The following PPFIA1 variants were observed in gnomAD, a reference collection of about 807,000 sequenced individuals.
PPFIA1 encodes the protein liprin-alpha-1.
PPFIA1 carries 25 observed loss-of-function variants against 149.9 expected under a neutral mutation model. That is an observed-to-expected ratio of 0.17 (90% CI 0.12 to 0.23). PPFIA1 has a LOEUF of 0.23. PPFIA1 is among the 10% of genes least tolerant of loss of function. PPFIA1 has a pLI of 1.00. For synonymous variants in PPFIA1, 549 were observed against 552.8 expected, an observed-to-expected ratio of 0.99 and a Z score of 0.10; for missense variants, 1,362 against 1,506.5, an observed-to-expected ratio of 0.90 and a Z score of 1.59.
chr11:70,298,670 G>A (rs2052260182), intron 2 of PPFIA1, among the ~76,000 whole-genome samples: 1 of 152,158 alleles, frequency 6.6e-6, no homozygotes, highest in African/African-American at 2.4e-5. Context: ...ATCAGCTGCT[G>A]CTCAGAGGGC....
At chr11:70,284,712 G>A (rs983873881) in intron 2 of PPFIA1, among the ~76,000 whole-genome samples, 6 of 152,184 alleles carry the variant, frequency 3.9e-5, no homozygotes, top group Admixed American at 3.3e-4. Context: ...GAGGAACCAG[G>A]TATGAGAGCT....
chr11:70,373,228 T>A (rs544038749), intron 23 of PPFIA1, among the ~76,000 whole-genome samples: 9 of 152,136 alleles, frequency 5.9e-5, no homozygotes, highest in Non-Finnish European at 1.3e-4. Flanking sequence ...TATTTATTTA[T>A]TTAATTTATT....
At chr11:70,283,913 A>G (rs1254946132) in intron 2 of PPFIA1, 13 of 479,714 alleles carry the variant, frequency 2.7e-5, no homozygotes, top group Non-Finnish European at 5.6e-5. Context: ...ATCTGGCCCC[A>G]AATGTTGGAA....
chr11:70,357,022 G>T (rs576267903), intron 19 of PPFIA1, among the ~76,000 whole-genome samples: 1 of 152,310 alleles, frequency 6.6e-6, no homozygotes, highest in East Asian at 1.9e-4. Context: ...GGGATGCGGG[G>T]TGAGTTGCGT....
At chr11:70,369,241 A>G (rs2057109174) in intron 21 of PPFIA1, among the ~76,000 whole-genome samples, 2 of 152,132 alleles carry the variant, frequency 1.3e-5, no homozygotes, top group African/African-American at 4.8e-5. Context: ...ATCTTTTGAG[A>G]TGATATGGTT....
At chr11:70,308,512 A>G (rs1040737739) in intron 2 of PPFIA1, among the ~76,000 whole-genome samples, 3 of 152,270 alleles carry the variant, frequency 2.0e-5, no homozygotes, top group African/African-American at 7.2e-5. Context: ...CAAAAGTCAC[A>G]TACTTGCTCT....
rs537647326 is a variant in PPFIA1, at chr11:70,378,985, A to G, written c.3550+790A>G. ...CAGCTCTGCCACTAGGAGGTGCATG[A>G]CCCTGAACAAGTCATTTAACTACCC... On this transcript the variant is annotated intron_variant, in intron 26 of 27. Coordinates refer to ENST00000253925, the MANE Select transcript of PPFIA1 (RefSeq NM_003626.5). Among the ~76,000 whole-genome samples the G allele has an allele frequency of 7.2e-5, 11 of 152,296 alleles. No homozygotes were observed. In the South Asian group the frequency reaches 2.3e-3, roughly 32 times the overall value.
chr11:70,366,437 A>T (rs1310520047), intron 21 of PPFIA1, among the ~76,000 whole-genome samples: 1 of 152,182 alleles, frequency 6.6e-6, no homozygotes, highest in South Asian at 2.1e-4. Flanking sequence ...CCACTTAAAG[A>T]TTTTCTTACT....
At chr11:70,349,154 A>C (rs80339344) in intron 16 of PPFIA1, among the ~76,000 whole-genome samples, 1 of 151,618 alleles carries the variant, frequency 6.6e-6, no homozygotes. Context: ...AAAAAAAAAA[A>C]AAAGGAAAAA....
At chr11:70,295,237 C>A (rs1296878508) in intron 2 of PPFIA1, among the ~76,000 whole-genome samples, 2 of 139,600 alleles carry the variant, frequency 1.4e-5, no homozygotes, top group Admixed American at 7.0e-5. Context: ...GAGGGGCTGA[C>A]CCCCCCACCT....
At chr11:70,326,514 G>A in intron 6 of PPFIA1, 83 bp from the exon 7 acceptor site, 1 of 1,345,712 alleles carries the variant, frequency 7.4e-7, no homozygotes, top group Non-Finnish European at 1.0e-6. Flanking sequence ...AGTCAGTTTT[G>A]ATTTTAGCTA....
At chr11:70,344,925 C>T (rs1383105757) in intron 15 of PPFIA1, among the ~76,000 whole-genome samples, 1,844 of 151,780 alleles carry the variant, frequency 0.012, 39 homozygotes, top group African/African-American at 0.038. Context: ...CAGAGCAGGA[C>T]AGTCCCGGCT....
intron 12 of PPFIA1, among the ~76,000 whole-genome samples, 197 bp from the exon 13 acceptor site, chr11:70,338,177 A>G (rs1356263958): frequency 1.3e-5 from 2 of 152,240 alleles, no homozygotes; most frequent in Non-Finnish European, 2.9e-5. Flanking sequence ...AGGGCTTACA[A>G]AGTTAATATA....
intron 2 of PPFIA1, among the ~76,000 whole-genome samples, chr11:70,275,964 T>G (rs2050358469): frequency 1.3e-5 from 2 of 152,228 alleles, no homozygotes; most frequent in South Asian, 4.1e-4. Flanking sequence ...AGATATTCTT[T>G]ATCAAAATGT....
At chr11:70,324,173 C>T (rs2054129224) in intron 2 of PPFIA1, among the ~76,000 whole-genome samples, 1 of 152,194 alleles carries the variant, frequency 6.6e-6, no homozygotes, top group Non-Finnish European at 1.5e-5. Flanking sequence ...CCCTGCTGTC[C>T]TTGTCCCAGG....
intron 17 of PPFIA1, 78 bp from the exon 18 acceptor site, chr11:70,355,561 G>C (rs1362048543): frequency 7.5e-7 from 1 of 1,336,868 alleles, no homozygotes; most frequent in Non-Finnish European, 1.0e-6. Flanking sequence ...GGAAGTGCTT[G>C]TAGGGAAGTT....
In PPFIA1 at chr11:70,339,245, G is replaced by C. The variant is rs771195635; in HGVS notation, c.1646G>C (p.Ser549Thr). The C allele has an allele frequency of 1.2e-6, 2 of 1,614,172 alleles. No homozygotes were observed. The highest frequency in any genetic ancestry group is 3.3e-5 in the Admixed American group (2 of 60,030). Residue 549 changes from serine to threonine, a missense_variant, in exon 14 of 28, where the codon AGT (serine) becomes ACT (threonine). By Grantham distance (58) the Ser-to-Thr change is moderately conservative (BLOSUM62 1). Transcript: ENST00000253925. ...ADGHTDSYST[S>T]AVLRRPQKGR... ...GGCCACACAGACTCCTACAGCACCA[G>C]TGCAGTGCTGCGGCGCCCACAGAAA...
In PPFIA1 at chr11:70,297,873, C is replaced by T. The variant is rs138822511; in HGVS notation, c.264+25437C>T. 8.0e-3 allele frequency among the ~76,000 whole-genome samples: 1,219 copies of T among 152,280 alleles called. 15 individuals carry two copies. Among genetic ancestry groups the T allele is most frequent in the African/African-American group, 0.028 (1,144 of 41,558 alleles). On this transcript the variant is annotated intron_variant, in intron 2 of 27. Transcript: ENST00000253925. ...CACTTGCTTTTCCTCAAGAGTGGAC[C>T]ATTTCCCATCCATAGGAAGAGGCTC...
At chr11:70,325,826 G>A (rs2054235767) in intron 5 of PPFIA1, among the ~76,000 whole-genome samples, 1 of 151,892 alleles carries the variant, frequency 6.6e-6, no homozygotes, top group South Asian at 2.1e-4. Context: ...CCAGCTGCTC[G>A]GGAGGCTGAG....
Sources: allele counts gnomAD v4.1 joint callset (sites outside exome capture counted in the v4.1 genomes callset), GRCh38; gene constraint gnomAD v4.1.1; transcripts MANE v1.5; gene names NCBI Gene and HGNC (gene_info 2026-07-23, HGNC 2026-07-21).